The following MIPEP variants were observed in gnomAD, a reference collection of about 807,000 sequenced individuals.
The protein encoded by MIPEP is mitochondrial intermediate peptidase.
A neutral mutation model predicts 90.3 loss-of-function variants in MIPEP; 79 were observed. That is an observed-to-expected ratio of 0.87 (90% CI 0.73 to 1.05). The LOEUF is 1.05. Ranked by LOEUF, MIPEP falls within the 50% of genes least tolerant of loss-of-function variation. The pLI is 0.00. For synonymous variants in MIPEP, 334 were observed against 315.8 expected, an observed-to-expected ratio of 1.06 and a Z score of -0.61; for missense variants, 940 against 905.6, an observed-to-expected ratio of 1.04 and a Z score of -0.49.
intron 2 of MIPEP, among the ~76,000 whole-genome samples, chr13:23,883,086 CTTAAAAATTCAGATATTTTTAAGATA>C (rs1383523703): frequency 4.1e-4 from 62 of 152,158 alleles, no homozygotes; most frequent in Non-Finnish European, 7.5e-4. Context: ...CAGGTAATAT[CTTAAAAATTCAGATATTTTTAAGATA>C]TTAAAAATTC....
chr13:23,889,111 A>G, intron 1 of MIPEP, 21 bp downstream of exon 1: 1 of 1,391,590 alleles, frequency 7.2e-7, no homozygotes, highest in South Asian at 1.6e-5. Context: ...GACTGAGGGG[A>G]GCTCCTCCTG....
chr13:23,832,613 GAAGGTAAAAATCTAC>G (rs1242179268), intron 14 of MIPEP, among the ~76,000 whole-genome samples: 2 of 152,120 alleles, frequency 1.3e-5, no homozygotes, highest in Non-Finnish European at 2.9e-5. Context: ...AAGTTACGCG[GAAGGTAAAAATCTAC>G]AAGCACTGAG....
At chr13:23,742,234 A>G (rs183306688) in intron 18 of MIPEP, among the ~76,000 whole-genome samples, 172 of 152,354 alleles carry the variant, frequency 1.1e-3, no homozygotes, top group Non-Finnish European at 4.0e-4. Context: ...AAGAAAGAAT[A>G]GAGAGAAAAA....
intron 16 of MIPEP, among the ~76,000 whole-genome samples, chr13:23,764,877 T>C (rs1952578704): frequency 6.6e-6 from 1 of 152,238 alleles, no homozygotes; most frequent in African/African-American, 2.4e-5. Flanking sequence ...TTAAATAGTA[T>C]ACCATTTCTT....
chr13:23,796,765 A>C (rs1478080130), intron 16 of MIPEP, among the ~76,000 whole-genome samples: 1 of 152,142 alleles, frequency 6.6e-6, no homozygotes, highest in African/African-American at 2.4e-5. Context: ...CACTAGCTGC[A>C]CTCCATCTCC....
At chr13:23,752,426 T>G (rs1315016890) in intron 18 of MIPEP, among the ~76,000 whole-genome samples, 1 of 152,196 alleles carries the variant, frequency 6.6e-6, no homozygotes, top group Non-Finnish European at 1.5e-5. Flanking sequence ...CCTCAGCATA[T>G]CTGTCTTTTT....
At chr13:23,730,507 C>T (rs1394570987) in intron 18 of MIPEP, 62 bp from the exon 19 acceptor site, 2 of 1,097,766 alleles carry the variant, frequency 1.8e-6, no homozygotes. Flanking sequence ...CACAAAGACA[C>T]AAAATCAAAT....
At chr13:23,886,977 G>A (rs1205147736) in intron 1 of MIPEP, among the ~76,000 whole-genome samples, 16 of 152,012 alleles carry the variant, frequency 1.1e-4, no homozygotes, top group South Asian at 4.2e-4. Context: ...TGGGAATGAC[G>A]ATACATACCT....
chr13:23,774,992 T>C (rs1156951102), intron 16 of MIPEP, among the ~76,000 whole-genome samples: 1 of 151,250 alleles, frequency 6.6e-6, no homozygotes, highest in Non-Finnish European at 1.5e-5. Flanking sequence ...GACAGGGGGG[T>C]TTTGCCATGT....
chr13:23,843,703 G>A (rs1371614093), intron 10 of MIPEP, among the ~76,000 whole-genome samples: 4 of 152,182 alleles, frequency 2.6e-5, no homozygotes, highest in African/African-American at 9.7e-5. Flanking sequence ...GCAGGAGGCA[G>A]GGAGGGCTGA....
At chr13:23,842,241 G>C (rs1252822505) in intron 10 of MIPEP, 1 of 151,804 alleles carries the variant, frequency 6.6e-6, no homozygotes, top group Non-Finnish European at 1.5e-5. Context: ...CTACTTTTTA[G>C]GATTACCAAA....
intron 14 of MIPEP, among the ~76,000 whole-genome samples, chr13:23,823,500 T>C (rs1199858431): frequency 1.3e-5 from 2 of 152,190 alleles, no homozygotes; most frequent in Non-Finnish European, 2.9e-5. Flanking sequence ...GACTGCCATC[T>C]TGGTGTGATC....
intron 10 of MIPEP, among the ~76,000 whole-genome samples, chr13:23,858,063 A>G (rs1459650086): frequency 1.3e-5 from 2 of 152,186 alleles, no homozygotes; most frequent in African/African-American, 4.8e-5. Context: ...GCATATCTCA[A>G]AAACTAACTA....
intron 16 of MIPEP, among the ~76,000 whole-genome samples, chr13:23,793,823 C>T (rs1407049370): frequency 2.0e-5 from 3 of 151,754 alleles, no homozygotes; most frequent in African/African-American, 7.3e-5. Flanking sequence ...GCACTCCAGG[C>T]AGCAGAAACA....
intron 16 of MIPEP, among the ~76,000 whole-genome samples, chr13:23,770,634 G>T (rs1260946790): frequency 6.6e-6 from 1 of 152,028 alleles, no homozygotes; most frequent in Non-Finnish European, 1.5e-5. Flanking sequence ...TGGTGTGGCT[G>T]ATGTCCTGCA....
intron 16 of MIPEP, among the ~76,000 whole-genome samples, chr13:23,762,030 CAGG>C (rs1374740474): frequency 2.0e-5 from 3 of 152,110 alleles, no homozygotes; most frequent in Non-Finnish European, 4.4e-5. Flanking sequence ...GAAGCTGAAG[CAGG>C]AGAACTGCTT....
At chr13:23,882,937 T>G (rs1340348083) in intron 2 of MIPEP, among the ~76,000 whole-genome samples, 4 of 152,046 alleles carry the variant, frequency 2.6e-5, no homozygotes, top group Non-Finnish European at 4.4e-5. Flanking sequence ...GCATACATAT[T>G]AAAAACTGAT....
At chr13:23,805,843 A>G (rs1477723543) in intron 16 of MIPEP, 107 bp downstream of exon 16, 8 of 1,246,820 alleles carry the variant, frequency 6.4e-6, no homozygotes, top group Non-Finnish European at 8.9e-6. Flanking sequence ...AAGCCTCAAC[A>G]TAAATGTAGG....
chr13:23,799,992 C>G (rs1953015367), intron 16 of MIPEP, among the ~76,000 whole-genome samples: 1 of 152,158 alleles, frequency 6.6e-6, no homozygotes, highest in African/African-American at 2.4e-5. Context: ...TTTGAGGTCA[C>G]TAAAGGGCAA....
Sources: gnomAD v4.1 joint callset for allele counts (sites outside exome capture counted in the v4.1 genomes callset) on GRCh38, gnomAD v4.1.1 for gene constraint, MANE v1.5 for transcripts, NCBI Gene and HGNC (gene_info 2026-07-23, HGNC 2026-07-21) for gene names.